Variants in FMR1NB observed in about 807,000 individuals in gnomAD.
FMR1NB encodes FMR1 neighbor, also known as FMR1 neighbor protein.
In FMR1NB, 10 loss-of-function variants were observed where a neutral mutation model predicts 16.8. The observed-to-expected ratio is 0.60, with a 90% CI of 0.37 to 1.01. FMR1NB has a LOEUF of 1.01. Ranked by LOEUF, FMR1NB falls within the 50% of genes least tolerant of loss-of-function variation. The pLI is 0.01. For missense variants in FMR1NB, 205 were observed against 204.8 expected (o/e 1.00, Z 0.00); for synonymous variants, 83 against 79.1 (o/e 1.05, Z -0.26).
intron 1 of FMR1NB, among the ~76,000 whole-genome samples, chrX:147,982,024 T>A (rs1262743669): frequency 8.9e-6 from 1 of 111,829 alleles, no homozygotes; most frequent in African/African-American, 3.3e-5. Flanking sequence ...GCACGGTGGC[T>A]CACATCTGTA....
intron 1 of FMR1NB, among the ~76,000 whole-genome samples, chrX:147,985,928 C>G (rs1157845126): frequency 8.9e-6 from 1 of 112,076 alleles, no homozygotes; most frequent in Non-Finnish European, 1.9e-5. Context: ...AATTAACACT[C>G]CCACCAACAG....
intron 1 of FMR1NB, among the ~76,000 whole-genome samples, chrX:147,988,369 A>C (rs2044487459): frequency 1.8e-5 from 2 of 112,116 alleles, no homozygotes; most frequent in Non-Finnish European, 3.8e-5. Context: ...GTTTCTGCAG[A>C]GAGATCTGCT....
intron 1 of FMR1NB, among the ~76,000 whole-genome samples, chrX:147,982,210 A>C (rs183396362): frequency 1.8e-5 from 2 of 110,184 alleles, no homozygotes; most frequent in East Asian, 5.8e-4. Flanking sequence ...GAATCGCTTG[A>C]ATTCGGGAGG....
At chrX:148,001,866 T>C (rs782160723) in intron 1 of FMR1NB, among the ~76,000 whole-genome samples, 3 of 108,952 alleles carry the variant, frequency 2.8e-5, no homozygotes, top group East Asian at 5.6e-4. Flanking sequence ...TATAAGGATA[T>C]AGTAAGGATT....
At chrX:148,006,174 A>C (rs1293025944) in intron 2 of FMR1NB, among the ~76,000 whole-genome samples, 5 of 111,990 alleles carry the variant, frequency 4.5e-5, no homozygotes, top group Non-Finnish European at 9.4e-5. Context: ...TAGAGTCATA[A>C]TTTAAGGGTG....
intron 4 of FMR1NB, among the ~76,000 whole-genome samples, chrX:148,010,029 A>T (rs1344203741): frequency 8.9e-6 from 1 of 112,339 alleles, no homozygotes; most frequent in Non-Finnish European, 1.9e-5. Context: ...TAAGTTTGGT[A>T]TGATAACTTC....
At position 148,006,781 on chromosome X, in the gene FMR1NB, C is replaced by G; in HGVS notation, c.477C>G (p.His159Gln). ...QDLSESECLR[H>Q]KCCFSSSGTT... ...TTAGTGAGAGTGAATGTTTGAGACA[C>G]AAATGCTGTTTTTCATCATCGGGGA... Residue 159 changes from histidine to glutamine, a missense_variant, in exon 3 of 6, where the codon CAC (histidine) becomes CAG (glutamine). By Grantham distance (24) the His-to-Gln change is conservative (BLOSUM62 0). Coordinates refer to ENST00000370467, the MANE Select transcript of FMR1NB (RefSeq NM_152578.3). The G allele has an allele frequency of 8.3e-7, 1 of 1,210,944 alleles. No individual in the cohort carries two copies. Among genetic ancestry groups the G allele is most frequent in the Non-Finnish European group, 1.1e-6 (1 of 894,965 alleles).
At chrX:148,017,635 A>G (rs893597895) in intron 4 of FMR1NB, among the ~76,000 whole-genome samples, 6 of 107,655 alleles carry the variant, frequency 5.6e-5, no homozygotes, top group Non-Finnish European at 9.6e-5. Flanking sequence ...TACATGTGCC[A>G]TGCTGGTGCG....
At chrX:147,995,131 T>G (rs2044535642) in intron 1 of FMR1NB, among the ~76,000 whole-genome samples, 1 of 111,948 alleles carries the variant, frequency 8.9e-6, no homozygotes, top group South Asian at 3.7e-4. Flanking sequence ...TTCCTCACAA[T>G]CCTCAGAAGG....
At chrX:147,990,776 T>C (rs1480328811) in intron 1 of FMR1NB, among the ~76,000 whole-genome samples, 2 of 111,440 alleles carry the variant, frequency 1.8e-5, no homozygotes, top group African/African-American at 6.5e-5. Context: ...CTACATTTCC[T>C]TTCCCTTCTT....
Position 148,006,862 on chromosome X carries a change from T to C in FMR1NB, c.538+20T>C. The C allele has an allele frequency of 8.4e-7, 1 of 1,184,270 alleles. No individual in the cohort carries two copies. The highest frequency in any genetic ancestry group is 1.1e-6 in the Non-Finnish European group (1 of 878,030). ...GAGATGGTAAGTTATTCCTCTTTCA[T>C]TTATTTCTATTTTTTAATATTAAAT... On this transcript the variant is annotated intron_variant, in intron 3 of 5. Transcript: ENST00000370467.
chrX:147,989,591 G>A (rs1424025978), intron 1 of FMR1NB, among the ~76,000 whole-genome samples: 2 of 112,108 alleles, frequency 1.8e-5, no homozygotes, highest in Admixed American at 9.4e-5. Context: ...AGGCAGGAAC[G>A]TTTAAGTCTG....
At chrX:148,000,586 T>C (rs1010860201) in intron 1 of FMR1NB, among the ~76,000 whole-genome samples, 1 of 112,290 alleles carries the variant, frequency 8.9e-6, no homozygotes, top group African/African-American at 3.2e-5. Context: ...TAACATTCAA[T>C]AATTAATAGG....
At chrX:147,990,186 G>T (rs782749849) in intron 1 of FMR1NB, among the ~76,000 whole-genome samples, 1 of 111,696 alleles carries the variant, frequency 9.0e-6, no homozygotes, top group East Asian at 2.8e-4. Context: ...CATAGAAAAA[G>T]CATAGTATCT....
At chrX:147,989,570 T>TC (rs1302627732) in intron 1 of FMR1NB, among the ~76,000 whole-genome samples, 2 of 111,925 alleles carry the variant, frequency 1.8e-5, no homozygotes, top group Non-Finnish European at 3.8e-5. Context: ...ACTGCTCTCT[T>TC]CAGAAGTGGC....
intron 1 of FMR1NB, among the ~76,000 whole-genome samples, chrX:147,987,843 G>GTT (rs782357405): frequency 1.9e-5 from 2 of 105,107 alleles, no homozygotes; most frequent in East Asian, 3.0e-4. Flanking sequence ...ACTAGGATTG[G>GTT]TTTTTTTTTT....
At chrX:148,002,882 C>T (rs1259132768) in intron 1 of FMR1NB, among the ~76,000 whole-genome samples, 2 of 112,291 alleles carry the variant, frequency 1.8e-5, no homozygotes, top group Non-Finnish European at 1.9e-5. Context: ...AGTTGGAATA[C>T]ATACTGTTTT....
At chrX:147,990,163 G>A (rs997426113) in intron 1 of FMR1NB, among the ~76,000 whole-genome samples, 2 of 111,541 alleles carry the variant, frequency 1.8e-5, no homozygotes, top group African/African-American at 6.5e-5. Flanking sequence ...CCTGGTCTGT[G>A]GACTGCAAAA....
chrX:148,026,351 T>C (rs967746438), intron 5 of FMR1NB, among the ~76,000 whole-genome samples, 151 bp from the exon 6 acceptor site: 2 of 111,987 alleles, frequency 1.8e-5, no homozygotes, highest in African/African-American at 3.2e-5. Context: ...GAAGATGATG[T>C]ACTGGCAAAC....
Sources: gnomAD v4.1 joint callset for allele counts (sites outside exome capture counted in the v4.1 genomes callset) on GRCh38, gnomAD v4.1.1 for gene constraint, MANE v1.5 for transcripts, NCBI Gene and HGNC (gene_info 2026-07-23, HGNC 2026-07-21) for gene names.